Variants in TTLL9 observed in about 807,000 individuals in gnomAD.
The protein encoded by TTLL9 is tubulin tyrosine ligase like 9.
TTLL9 carries 47 observed loss-of-function variants against 65.6 expected under a neutral mutation model. That is an observed-to-expected ratio of 0.72 (90% CI 0.57 to 0.91). The LOEUF (loss-of-function observed/expected upper bound fraction) is 0.91, where lower values mean the gene tolerates loss of function less well. Ranked by LOEUF, TTLL9 falls within the 40% of genes least tolerant of loss-of-function variation. The probability of loss-of-function intolerance (pLI) is 0.00; values close to 1 mark genes in which losing one functional copy is unlikely to be tolerated. For missense variants in TTLL9, 537 were observed against 568.8 expected, an observed-to-expected ratio of 0.94 and a Z score of 0.57; for synonymous variants, 179 against 204.8, an observed-to-expected ratio of 0.87 and a Z score of 1.07.
At chr20:31,878,138 G>A (rs984144939) in intron 2 of TTLL9, among the ~76,000 whole-genome samples, 5 of 152,114 alleles carry the variant, frequency 3.3e-5, no homozygotes, top group African/African-American at 1.2e-4. Context: ...TTTTATTGTA[G>A]TTTCCAATCA....
At chr20:31,893,583 G>A (rs1338383209) in intron 3 of TTLL9, among the ~76,000 whole-genome samples, 1 of 151,638 alleles carries the variant, frequency 6.6e-6, no homozygotes. Flanking sequence ...AAGCCACTGC[G>A]CCTAGCCAAA....
chr20:31,939,041 G>A (rs945937051), intron 13 of TTLL9, 101 bp from the exon 14 acceptor site: 49 of 1,342,308 alleles, frequency 3.7e-5, no homozygotes, highest in Middle Eastern at 2.4e-4. Flanking sequence ...TCTGAGGGAC[G>A]GACATCAGTT....
chr20:31,935,388 C>T (rs1409578531), intron 12 of TTLL9, among the ~76,000 whole-genome samples: 1 of 152,182 alleles, frequency 6.6e-6, no homozygotes, highest in Non-Finnish European at 1.5e-5. Context: ...CAACAGGACA[C>T]AGAAGCCCAG....
intron 10 of TTLL9, among the ~76,000 whole-genome samples, chr20:31,932,595 C>G (rs2064036710): frequency 6.6e-6 from 1 of 152,000 alleles, no homozygotes; most frequent in Non-Finnish European, 1.5e-5. Flanking sequence ...CTGGCAGAAC[C>G]ATACATTTAG....
intron 4 of TTLL9, among the ~76,000 whole-genome samples, chr20:31,908,207 G>A (rs550596625): frequency 8.5e-5 from 13 of 152,160 alleles, no homozygotes; most frequent in African/African-American, 1.9e-4. Context: ...GGCTGCACGC[G>A]TGGCAACTGG....
At chr20:31,884,131 A>G (rs2063155342) in intron 2 of TTLL9, 3 of 464,848 alleles carry the variant, frequency 6.5e-6, no homozygotes, top group Admixed American at 8.1e-5. Flanking sequence ...TTATACTTCT[A>G]TATATGTATC....
At chr20:31,881,991 G>A (rs2063124582) in intron 2 of TTLL9, among the ~76,000 whole-genome samples, 1 of 152,162 alleles carries the variant, frequency 6.6e-6, no homozygotes, top group East Asian at 1.9e-4. Flanking sequence ...GGGAAAGAAA[G>A]GTCTCCTGTA....
At chr20:31,931,589 T>C (rs2064012659) in intron 10 of TTLL9, among the ~76,000 whole-genome samples, 1 of 152,210 alleles carries the variant, frequency 6.6e-6, no homozygotes, top group African/African-American at 2.4e-5. Context: ...CTTGCTATTA[T>C]CTGTCTTTTT....
rs371526790 is a variant in TTLL9 at position 31,937,416 on chromosome 20, C to A, written c.1025C>A (p.Ala342Glu). The A allele has an allele frequency of 1.5e-5, 24 of 1,613,422 alleles. No individual in the cohort carries two copies. Among genetic ancestry groups the A allele is most frequent in the Admixed American group, 6.7e-5 (4 of 59,978 alleles). Residue 342 changes from alanine to glutamate, a missense_variant, in exon 13 of 15, where the codon GCG (alanine) becomes GAG (glutamate). By Grantham distance (107) the Ala-to-Glu change is moderately radical. Around this residue, in one of 3 missense-constraint regions of TTLL9, gnomAD observed 205 missense variants for 225.9 expected, o/e 0.91. Transcript: ENST00000535842. Reference protein sequence around the residue: ...DLKPWLLEVNASPSLTASSQE... With the variant: ...DLKPWLLEVNESPSLTASSQE... ...CCCAGGTGGCTCCTGGAGGTCAATG[C>A]GTCCCCATCACTGACAGCCAGCAGC...
In TTLL9 at chr20:31,944,119, C is replaced by G. The variant is rs540190693; in HGVS notation, c.*1098C>G. On this transcript the variant is annotated 3_prime_UTR_variant, in exon 15 of 15. Coordinates refer to ENST00000535842, the MANE Select transcript of TTLL9 (RefSeq NM_001008409.5). ...TAGGAAAGCCAGAAGCCAGGCTACTCTAGACCTTCTGCCTTCAGAGCATGA... is the reference window on the plus strand; with the variant it reads ...TAGGAAAGCCAGAAGCCAGGCTACTGTAGACCTTCTGCCTTCAGAGCATGA... 4.5e-4 allele frequency: 138 copies of G among 306,682 alleles called. No homozygotes were observed. The highest frequency in any genetic ancestry group is 2.9e-3 in the African/African-American group (134 of 46,442). The allele number at this position is 306,682 out of a possible 1,614,324, so 19.0% of individuals were successfully genotyped here.
intron 6 of TTLL9, among the ~76,000 whole-genome samples, chr20:31,912,526 T>C (rs1342079826): frequency 6.6e-6 from 1 of 152,078 alleles, no homozygotes; most frequent in Non-Finnish European, 1.5e-5. Context: ...TTTGCATTTC[T>C]AGCAAGTTCC....
intron 10 of TTLL9, among the ~76,000 whole-genome samples, chr20:31,931,566 T>C (rs1432632369): frequency 6.6e-6 from 1 of 152,200 alleles, no homozygotes; most frequent in Non-Finnish European, 1.5e-5. Flanking sequence ...GCGGCCACCA[T>C]GCCTGGCCAA....
intron 2 of TTLL9, among the ~76,000 whole-genome samples, chr20:31,873,667 A>G (rs893105147): frequency 9.6e-5 from 13 of 135,330 alleles, no homozygotes; most frequent in Admixed American, 9.5e-4. Flanking sequence ...GACAAAAGAA[A>G]GAAAGAAAGA....
chr20:31,880,622 A>G (rs1314578997), intron 2 of TTLL9, among the ~76,000 whole-genome samples: 1 of 151,630 alleles, frequency 6.6e-6, no homozygotes, highest in Non-Finnish European at 1.5e-5. Context: ...CCTCCTGAGT[A>G]GCTGGGACTA....
chr20:31,917,215 C>T (rs188590734), intron 6 of TTLL9, among the ~76,000 whole-genome samples: 49 of 152,302 alleles, frequency 3.2e-4, no homozygotes, highest in African/African-American at 1.2e-3. Flanking sequence ...CAGCAGCCCT[C>T]TCAGGCCCCT....
intron 2 of TTLL9, among the ~76,000 whole-genome samples, chr20:31,880,052 C>G (rs995885780): frequency 6.6e-6 from 1 of 151,688 alleles, no homozygotes; most frequent in African/African-American, 2.4e-5. Context: ...GGAGGAATTC[C>G]GAAAACAGGA....
chr20:31,933,963 G>C, intron 11 of TTLL9, 105 bp downstream of exon 11: 1 of 1,220,792 alleles, frequency 8.2e-7, no homozygotes, highest in Non-Finnish European at 1.1e-6. Context: ...GTCTGAGCCT[G>C]TGTTCACCAG....
chr20:31,887,339 A>G, intron 3 of TTLL9, 100 bp downstream of exon 3: 1 of 1,310,162 alleles, frequency 7.6e-7, no homozygotes, highest in Non-Finnish European at 1.1e-6. Context: ...CAACAATTAT[A>G]ATGAAAATGA....
At chr20:31,934,550 G>A (rs1301078880) in intron 11 of TTLL9, 142 bp from the exon 12 acceptor site, 1 of 765,310 alleles carries the variant, frequency 1.3e-6, no homozygotes, top group African/African-American at 1.7e-5. Flanking sequence ...CACACCTGGG[G>A]TCATCCTAAT....
Sources: allele counts gnomAD v4.1 joint callset (sites outside exome capture counted in the v4.1 genomes callset), GRCh38; gene constraint gnomAD v4.1.1; regional missense constraint gnomAD v4.1.1; transcripts MANE v1.5; gene names NCBI Gene and HGNC (gene_info 2026-07-23, HGNC 2026-07-21).